The following SLFN5 variants were observed in gnomAD, a reference collection of about 807,000 sequenced individuals.
SLFN5 encodes the protein schlafen family member 5.
A neutral mutation model predicts 48.5 loss-of-function variants in SLFN5; 34 were observed. The ratio of observed to expected loss-of-function variants is 0.70; its 90% CI spans 0.53 to 0.93. The LOEUF (loss-of-function observed/expected upper bound fraction) is 0.93, where lower values mean the gene tolerates loss of function less well. SLFN5 is among the 40% of genes least tolerant of loss of function. The pLI is 0.00. For synonymous variants in SLFN5, 387 were observed against 396.2 expected, an observed-to-expected ratio of 0.98 and a Z score of 0.28; for missense variants, 1,006 against 1,071.3, an observed-to-expected ratio of 0.94 and a Z score of 0.85.
In SLFN5 at chr17:35,258,680, G is replaced by A; in HGVS notation, c.-11G>A. The A allele has an allele frequency of 2.5e-6, 4 of 1,607,440 alleles. No individual in the cohort carries two copies. The highest frequency in any genetic ancestry group is 1.7e-5 in the Admixed American group (1 of 59,734). Reference sequence around the variant, plus strand: ...ACATTTCAGGATAGGAATAGGCCAAGTGCTGAGAAGATGAGTCTTAGGATT... The same window carrying A: ...ACATTTCAGGATAGGAATAGGCCAAATGCTGAGAAGATGAGTCTTAGGATT... On this transcript the variant is annotated 5_prime_UTR_variant, in exon 2 of 5. The change creates a new upstream start codon in the 5' untranslated region. Coordinates refer to ENST00000299977, the MANE Select transcript of SLFN5 (RefSeq NM_144975.4).
Position 35,271,617 on chromosome 17 carries a change from T to C in SLFN5, c.*5729T>C, listed in dbSNP as rs1465039935. The C allele has an allele frequency of 2.6e-5, 4 of 152,192 alleles. No individual in the cohort carries two copies. The highest frequency in any genetic ancestry group is 6.5e-5 in the Admixed American group (1 of 15,286). The allele number at this position is 152,192 out of a possible 1,614,324, so 9.4% of individuals were successfully genotyped here. A position where few individuals can be genotyped will look rare whatever the true frequency, so the allele number is the denominator to read the frequency against. ...TAAACAGATAAAAAGCAGACCACGTTTTTGGATAAGAAGATTAAAAATTAT... is the reference window on the plus strand; with the variant it reads ...TAAACAGATAAAAAGCAGACCACGTCTTTGGATAAGAAGATTAAAAATTAT... On this transcript the variant is annotated 3_prime_UTR_variant, in exon 5 of 5. Coordinates refer to ENST00000299977, the MANE Select transcript of SLFN5 (RefSeq NM_144975.4).
intron 1 of SLFN5, among the ~76,000 whole-genome samples, chr17:35,243,570 A>G (rs1411079346): frequency 6.6e-6 from 1 of 152,220 alleles, no homozygotes; most frequent in East Asian, 1.9e-4. Context: ...GTCTATTACA[A>G]GAGGCTTTGT....
At position 35,268,204 on chromosome 17, in the gene SLFN5, A is replaced by G. The variant is rs1050317877; in HGVS notation, c.*2316A>G. On this transcript the variant is annotated 3_prime_UTR_variant, in exon 5 of 5. Transcript: ENST00000299977. ...AGCTATACACTGGAGAAGAAGCCAA[A>G]CTAGTCTACTTCATCTAAGAAAGTT... 1.3e-5 allele frequency: 2 copies of G among 152,260 alleles called. No homozygotes were observed. The highest frequency in any genetic ancestry group is 2.9e-5 in the Non-Finnish European group (2 of 68,080). The allele number at this position is 152,260 out of a possible 1,614,324, so 9.4% of individuals were successfully genotyped here. A position where few individuals can be genotyped will look rare whatever the true frequency, so the allele number is the denominator to read the frequency against.
chr17:35,243,635 C>T (rs899939), intron 1 of SLFN5, among the ~76,000 whole-genome samples: 11,291 of 152,216 alleles, frequency 0.074, 1,064 homozygotes, highest in African/African-American at 0.2. Context: ...CAAACTGTAA[C>T]AACAGGGGCA....
rs1190363982 is a variant in SLFN5 at position 35,270,081 on chromosome 17, A to T, written c.*4193A>T. Reference sequence around the variant, plus strand: ...TTTTTCTTTTGTTCAAGTGAAATAAACATAAAAATAATTTTAAAATATTAT... The same window carrying T: ...TTTTTCTTTTGTTCAAGTGAAATAATCATAAAAATAATTTTAAAATATTAT... On this transcript the variant is annotated 3_prime_UTR_variant, in exon 5 of 5. Coordinates refer to ENST00000299977, the MANE Select transcript of SLFN5 (RefSeq NM_144975.4). The T allele has an allele frequency of 6.6e-6, 1 of 152,122 alleles. No homozygotes were observed. The highest frequency in any genetic ancestry group is 1.5e-5 in the Non-Finnish European group (1 of 68,020). The allele number at this position is 152,122 out of a possible 1,614,324, so 9.4% of individuals were successfully genotyped here. A position where few individuals can be genotyped will look rare whatever the true frequency, so the allele number is the denominator to read the frequency against.
chr17:35,270,968 T>C lies in SLFN5; in HGVS notation c.*5080T>C, dbSNP rs1567795093. 6.6e-6 allele frequency: 1 copy of C among 152,236 alleles called. No individual in the cohort carries two copies. Among genetic ancestry groups the C allele is most frequent in the Non-Finnish European group, 1.5e-5 (1 of 68,048 alleles). 9.4% of individuals were successfully genotyped at this position (152,236 alleles called of 1,614,324 possible). ...TCAAGATTCAGAACATCAAAGATTCTTTTTTAATCCTAAAAGAAAAAGTTT... is the reference window on the plus strand; with the variant it reads ...TCAAGATTCAGAACATCAAAGATTCCTTTTTAATCCTAAAAGAAAAAGTTT... On this transcript the variant is annotated 3_prime_UTR_variant, in exon 5 of 5. Coordinates refer to ENST00000299977, the MANE Select transcript of SLFN5 (RefSeq NM_144975.4).
intron 1 of SLFN5, among the ~76,000 whole-genome samples, chr17:35,250,102 T>C (rs981114273): frequency 2.4e-4 from 37 of 152,328 alleles, no homozygotes; most frequent in African/African-American, 8.7e-4. Flanking sequence ...GATGAAGATA[T>C]TGATTTAAGA....
At position 35,269,085 on chromosome 17, in the gene SLFN5, C is replaced by G. The variant is rs946008828; in HGVS notation, c.*3197C>G. ...TATGGTCCCTGTTCCTCTATCTTGACCAGAAGCATCTAAGAAGGCAGTGAA... is the reference window on the plus strand; with the variant it reads ...TATGGTCCCTGTTCCTCTATCTTGAGCAGAAGCATCTAAGAAGGCAGTGAA... On this transcript the variant is annotated 3_prime_UTR_variant, in exon 5 of 5. Transcript: ENST00000299977. 7 of 152,092 alleles carry G rather than the reference C, an allele frequency of 4.6e-5. No individual in the cohort carries two copies. The highest frequency in any genetic ancestry group is 1.7e-4 in the African/African-American group (7 of 41,402). 9.4% of individuals were successfully genotyped at this position (152,092 alleles called of 1,614,324 possible). A position where few individuals can be genotyped will look rare whatever the true frequency, so the allele number is the denominator to read the frequency against.
In SLFN5 at chr17:35,264,824, A is replaced by T. The variant is rs1476814975; in HGVS notation, c.1780A>T (p.Lys594Ter). 3 of 1,595,702 alleles carry T rather than the reference A, an allele frequency of 1.9e-6. No individual in the cohort carries two copies. Among genetic ancestry groups the T allele is most frequent in the Non-Finnish European group, 2.6e-6 (3 of 1,173,454 alleles). ...TATCTTGGCTCTTAGGATCATGGAGAAGATCAGGAATGTGTTTCACTGTGA... is the reference window on the plus strand; with the variant it reads ...TATCTTGGCTCTTAGGATCATGGAGTAGATCAGGAATGTGTTTCACTGTGA... ...KTILALRIME[K>*]IRNVFHCEPA... Residue 594 changes from lysine to a stop codon, truncating the protein, a stop_gained, in exon 4 of 5, where the codon AAG (lysine) becomes TAG (stop). Transcript: ENST00000299977. LOFTEE classifies it high-confidence loss of function.
At position 35,259,586 on chromosome 17, in the gene SLFN5, A is replaced by G. The variant is rs754846553; in HGVS notation, c.896A>G (p.Glu299Gly). The change falls in exon 2 of 5, where the codon GAG (glutamate) becomes GGG (glycine). Residue 299 changes from glutamate (E) to glycine (G), a missense_variant. Coordinates refer to ENST00000299977, the MANE Select transcript of SLFN5 (RefSeq NM_144975.4). ...GGATATGTCTGTGCAATCAAGGTGG[A>G]GAAATTCTGCTGTGCGGTGTTTGCC... ...LRGYVCAIKVEKFCCAVFAKV... is the reference protein window; with the variant it reads ...LRGYVCAIKVGKFCCAVFAKV... The G allele has an allele frequency of 1.2e-6, 2 of 1,612,852 alleles. No individual in the cohort carries two copies. Among genetic ancestry groups the G allele is most frequent in the South Asian group, 2.2e-5 (2 of 91,080 alleles).
chr17:35,260,288 G>C (rs1023759275), intron 2 of SLFN5, among the ~76,000 whole-genome samples: 6 of 152,154 alleles, frequency 3.9e-5, no homozygotes, highest in Non-Finnish European at 7.3e-5. Flanking sequence ...GAAAGCCTGA[G>C]ATAAAATTAG....
intron 3 of SLFN5, among the ~76,000 whole-genome samples, chr17:35,262,379 C>CA (rs559686060): frequency 0.032 from 1,634 of 50,492 alleles, 19 homozygotes; most frequent in African/African-American, 0.062. Flanking sequence ...GACTCCATCT[C>CA]AAAAAAAAAA....
At chr17:35,245,958 C>T (rs952572805) in intron 1 of SLFN5, among the ~76,000 whole-genome samples, 1 of 151,990 alleles carries the variant, frequency 6.6e-6, no homozygotes, top group Non-Finnish European at 1.5e-5. Flanking sequence ...TATATCCCTA[C>T]AAGGAGTATA....
intron 1 of SLFN5, among the ~76,000 whole-genome samples, chr17:35,245,216 T>C (rs2092428003): frequency 6.6e-6 from 1 of 152,220 alleles, no homozygotes; most frequent in Non-Finnish European, 1.5e-5. Flanking sequence ...CTCTGGAGAT[T>C]TGGGGCCATT....
chr17:35,264,559 C>T lies in SLFN5; in HGVS notation c.1515C>T (p.Ser505=), dbSNP rs372839576. 86 of 1,614,152 alleles carry T rather than the reference C, an allele frequency of 5.3e-5. No individual in the cohort carries two copies. The African/African-American group carries it at 8.8e-4, about 17-fold the overall frequency. The change falls in exon 4 of 5, where the codon AGC becomes AGT. Residue 505 remains serine (S), a synonymous_variant. Coordinates refer to ENST00000299977, the MANE Select transcript of SLFN5 (RefSeq NM_144975.4). ...TGAATTCTGATAGAAAAGCACAGAG[C>T]GTTTACAGTTCGTATTTACAAATTT... ...CVLNSDRKAQ[S]VYSSYLQIYP... is the part of the protein sequence containing the mutation.
rs1904670618 is a variant in SLFN5, at chr17:35,265,875, A to G, written c.2663A>G (p.Lys888Arg). The G allele has an allele frequency of 6.3e-7, 1 of 1,595,748 alleles. No homozygotes were observed. The highest frequency in any genetic ancestry group is 1.3e-5 in the African/African-American group (1 of 74,118). The change falls in exon 5 of 5, where the codon AAG (lysine) becomes AGG (arginine). Residue 888 changes from lysine to arginine, a missense_variant. By Grantham distance (26) the Lys-to-Arg change is conservative. Transcript: ENST00000299977. Reference sequence around the variant, plus strand: ...GCAAAAAGACATCTGTATATTCTGAAGGCTTCTGTGTGACAGGAAACCCAA... The same window carrying G: ...GCAAAAAGACATCTGTATATTCTGAGGGCTTCTGTGTGACAGGAAACCCAA... ...SRAKRHLYIL[K>R]ASV
At position 35,263,837 on chromosome 17, in the gene SLFN5, GAAAAAGA is replaced by G. The variant is rs563397717; in HGVS notation, c.1139-333_1139-327del. 1.1e-4 allele frequency among the ~76,000 whole-genome samples: 16 copies of G among 147,312 alleles called. No homozygotes were observed. The South Asian group carries it at 3.5e-3, about 32-fold the overall frequency. On this transcript the variant is annotated intron_variant, in intron 3 of 4. Transcript: ENST00000299977. ...AAAAAAAAAAAAAAAGAAGAAGAAA[GAAAAAGA>G]AAAAAGAAAAAAAAGAATCAGCTCA...
chr17:35,265,433 TC>T lies in SLFN5; in HGVS notation c.2224del (p.Leu742TrpfsTer2). On this transcript the variant is annotated frameshift_variant, in exon 5 of 5. Transcript: ENST00000299977. LOFTEE classifies it low-confidence loss of function (END_TRUNC). Reference sequence around the variant, plus strand: ...TCCTCCACCTAACCTCCCCCCTGGGTCCCTGGTGATGCTCTATGAACCTAAA... The same window carrying T: ...TCCTCCACCTAACCTCCCCCCTGGGTCCTGGTGATGCTCTATGAACCTAAA... Reference protein sequence around the residue: ...QNPPPNLPPGSLVMLYEPKWA... With the variant: ...QNPPPNLPPGXLVMLYEPKWA... The T allele has an allele frequency of 1.2e-6, 2 of 1,614,176 alleles. No individual in the cohort carries two copies. Among genetic ancestry groups the T allele is most frequent in the Non-Finnish European group, 1.7e-6 (2 of 1,180,024 alleles).
In SLFN5 at chr17:35,260,960, T is replaced by C. The variant is rs1326916531; in HGVS notation, c.1013-11T>C. On this transcript the variant is annotated splice_polypyrimidine_tract_variant and intron_variant, in intron 2 of 4. Coordinates refer to ENST00000299977, the MANE Select transcript of SLFN5 (RefSeq NM_144975.4). ...TTTTGCATATTGAATCCTTGGTTCTTGTTTCCTAAGACCTTTCCAGGTGTC... is the reference window on the plus strand; with the variant it reads ...TTTTGCATATTGAATCCTTGGTTCTCGTTTCCTAAGACCTTTCCAGGTGTC... 6.2e-7 allele frequency: 1 copy of C among 1,612,778 alleles called. No homozygotes were observed. Among genetic ancestry groups the C allele is most frequent in the Non-Finnish European group, 8.5e-7 (1 of 1,179,250 alleles).
Sources: gnomAD v4.1 joint callset for allele counts (sites outside exome capture counted in the v4.1 genomes callset) on GRCh38, gnomAD v4.1.1 for gene constraint, MANE v1.5 for transcripts, NCBI Gene and HGNC (gene_info 2026-07-23, HGNC 2026-07-21) for gene names.